The following ZNF516 variants were observed in gnomAD, a reference collection of about 807,000 sequenced individuals.
ZNF516 encodes the protein zinc finger protein 516.
A neutral mutation model predicts 79.7 loss-of-function variants in ZNF516; 19 were observed. That is an observed-to-expected ratio of 0.24 (90% CI 0.17 to 0.35). ZNF516 has a LOEUF of 0.35. ZNF516 is among the 10% of genes least tolerant of loss of function. The pLI, the probability that ZNF516 is intolerant of heterozygous loss-of-function variation, is 1.00. For missense variants in ZNF516, 1,678 were observed against 1,679.5 expected (o/e 1.00, Z 0.02); for synonymous variants, 877 against 739.5 (o/e 1.19, Z -3.02).
intron 3 of ZNF516, among the ~76,000 whole-genome samples, chr18:76,404,779 ACATGTGTGAG>A (rs1180740342): frequency 6.6e-6 from 1 of 151,668 alleles, no homozygotes; most frequent in Non-Finnish European, 1.5e-5. Flanking sequence ...GAGCATGAGT[ACATGTGTGAG>A]CATATGTGTG....
chr18:76,492,169 G>T, intron 1 of ZNF516: 7 of 985,416 alleles, frequency 7.1e-6, no homozygotes, highest in Non-Finnish European at 8.4e-6. Flanking sequence ...CATCCCGGTG[G>T]GTACAGAAGC....
chr18:76,420,885 G>C (rs117415096), intron 3 of ZNF516, among the ~76,000 whole-genome samples: 1 of 152,306 alleles, frequency 6.6e-6, no homozygotes, highest in Admixed American at 6.5e-5. Flanking sequence ...AAGTGTAACT[G>C]AATTTCCTTA....
Position 76,425,578 on chromosome 18 carries a change from C to T in ZNF516, c.1810+15667G>A, listed in dbSNP as rs563317955. 2.0e-5 allele frequency among the ~76,000 whole-genome samples: 3 copies of T among 152,318 alleles called. No homozygotes were observed. In the East Asian group the frequency reaches 5.8e-4, roughly 29 times the overall value. On this transcript the variant is annotated intron_variant, in intron 3 of 6. Transcript: ENST00000443185. The stretch of plus-strand genomic sequence containing the variant: ...CCACTGACAGGGCTAAACATTTCTC[C>T]ACATCTGGGAAGCCCATGTCTCAGG...
chr18:76,495,646 C>T, upstream of ZNF516: 4 of 989,032 alleles, frequency 4.0e-6, no homozygotes, highest in South Asian at 4.8e-5. Flanking sequence ...GCTGCTGCAG[C>T]CCCGGCTCCC....
chr18:76,367,720 C>T (rs1447634579), intron 6 of ZNF516, among the ~76,000 whole-genome samples: 1 of 152,230 alleles, frequency 6.6e-6, no homozygotes, highest in South Asian at 2.1e-4. Context: ...TCTAAGCCAC[C>T]CATGGACCTT....
intron 4 of ZNF516, among the ~76,000 whole-genome samples, chr18:76,373,196 GAGA>G (rs1365091044): frequency 6.7e-6 from 1 of 149,676 alleles, no homozygotes. Context: ...GAACAGAAGA[GAGA>G]AGAAGCAAAG....
chr18:76,366,712 A>T (rs1263223493), intron 6 of ZNF516, among the ~76,000 whole-genome samples: 1 of 152,218 alleles, frequency 6.6e-6, no homozygotes, highest in Non-Finnish European at 1.5e-5. Context: ...TCCAGTTATT[A>T]AGGAAAATTG....
At chr18:76,388,452 G>A (rs919932024) in intron 3 of ZNF516, 16 of 152,170 alleles carry the variant, frequency 1.1e-4, no homozygotes, top group African/African-American at 3.4e-4. Flanking sequence ...AATAAGCCAC[G>A]CCCCTGTTGC....
chr18:76,396,686 C>T (rs1406943771), intron 3 of ZNF516, among the ~76,000 whole-genome samples: 1 of 152,092 alleles, frequency 6.6e-6, no homozygotes, highest in East Asian at 1.9e-4. Flanking sequence ...GACAAAACTA[C>T]ATAGACATCT....
At position 76,379,089 on chromosome 18, in the gene ZNF516, C is replaced by T; in HGVS notation, c.3025G>A (p.Glu1009Lys). The T allele has an allele frequency of 1.2e-6, 2 of 1,611,230 alleles. No homozygotes were observed. The highest frequency in any genetic ancestry group is 1.7e-6 in the Non-Finnish European group (2 of 1,179,620). ...GCACAGGTGGCCAGAGTCCTCAGCT[C>T]CTGGGCTGCCTTCGAGGGGGGCTCG... ...PREPPSKAAQ[E>K]LRTLATCAAG... is the part of the protein sequence containing the mutation. Residue 1009 changes from glutamate to lysine, a missense_variant, in exon 4 of 7, where the codon GAG (glutamate) becomes AAG (lysine). By Grantham distance (56) the Glu-to-Lys change is moderately conservative. Coordinates refer to ENST00000443185, the MANE Select transcript of ZNF516 (RefSeq NM_014643.4).
chr18:76,368,225 CTCTACCTATTACT>C (rs1374736556), intron 6 of ZNF516, among the ~76,000 whole-genome samples: 4 of 152,036 alleles, frequency 2.6e-5, no homozygotes, highest in Non-Finnish European at 5.9e-5. Context: ...GGATTTAAAC[CTCTACCTATTACT>C]GATGTGTTTT....
chr18:76,431,329 T>C (rs2075657598), intron 3 of ZNF516, among the ~76,000 whole-genome samples: 3 of 152,244 alleles, frequency 2.0e-5, no homozygotes, highest in Non-Finnish European at 4.4e-5. Flanking sequence ...TCTAAACTTA[T>C]GAAATAATTC....
chr18:76,426,096 A>T (rs189974952), intron 3 of ZNF516, among the ~76,000 whole-genome samples: 24 of 152,372 alleles, frequency 1.6e-4, no homozygotes, highest in Admixed American at 5.9e-4. Flanking sequence ...AATTCAAATG[A>T]AACAGAATGA....
At chr18:76,477,927 T>C (rs1280556583) in intron 1 of ZNF516, among the ~76,000 whole-genome samples, 2 of 152,148 alleles carry the variant, frequency 1.3e-5, no homozygotes, top group Admixed American at 1.3e-4. Context: ...GAACCAGTAT[T>C]GTTATCCATT....
At chr18:76,382,303 G>A (rs900453270) in intron 3 of ZNF516, among the ~76,000 whole-genome samples, 2 of 152,072 alleles carry the variant, frequency 1.3e-5, no homozygotes, top group East Asian at 1.9e-4. Flanking sequence ...AAGAGGAAAC[G>A]TTAGCCTTTG....
At chr18:76,490,997 C>G in intron 1 of ZNF516, 1 of 985,244 alleles carries the variant, frequency 1.0e-6, no homozygotes, top group South Asian at 4.7e-5. Flanking sequence ...CGCGAGGCGC[C>G]CCAAGCCCGG....
intron 4 of ZNF516, among the ~76,000 whole-genome samples, chr18:76,373,221 AGAG>A (rs983478607): frequency 4.8e-5 from 7 of 146,790 alleles, no homozygotes; most frequent in Admixed American, 1.4e-4. Context: ...GAAGAAGAAA[AGAG>A]GAGAGAGGAG....
At chr18:76,444,235 A>C (rs934257777) in intron 2 of ZNF516, among the ~76,000 whole-genome samples, 6 of 152,174 alleles carry the variant, frequency 3.9e-5, no homozygotes, top group African/African-American at 1.4e-4. Flanking sequence ...CTGAGTGTTC[A>C]AGAGGGAGGG....
intron 3 of ZNF516, among the ~76,000 whole-genome samples, chr18:76,437,168 A>G (rs1486245435): frequency 6.6e-6 from 1 of 152,114 alleles, no homozygotes; most frequent in Non-Finnish European, 1.5e-5. Context: ...AAAGAAGGAC[A>G]GTTGTTGAAC....
Sources: gnomAD v4.1 joint callset for allele counts (sites outside exome capture counted in the v4.1 genomes callset) on GRCh38, gnomAD v4.1.1 for gene constraint, MANE v1.5 for transcripts, NCBI Gene and HGNC (gene_info 2026-07-23, HGNC 2026-07-21) for gene names.